The following ZMYND12 variants were observed in gnomAD, a reference collection of about 807,000 sequenced individuals.
The protein encoded by ZMYND12 is zinc finger MYND-type containing 12.
In ZMYND12, 32 loss-of-function variants were observed where a neutral mutation model predicts 41.7. That is an observed-to-expected ratio of 0.77 (90% CI 0.58 to 1.03). The LOEUF (loss-of-function observed/expected upper bound fraction) is 1.03, where lower values mean the gene tolerates loss of function less well. Ranked by LOEUF, ZMYND12 falls within the 50% of genes least tolerant of loss-of-function variation. The probability of loss-of-function intolerance (pLI) is 0.00; values close to 1 mark genes in which losing one functional copy is unlikely to be tolerated. For synonymous variants in ZMYND12, 148 were observed against 164.8 expected, an observed-to-expected ratio of 0.90 and a Z score of 0.78; for missense variants, 424 against 438.5, an observed-to-expected ratio of 0.97 and a Z score of 0.30.
chr1:42,434,354 T>C (rs1642884441), intron 6 of ZMYND12, among the ~76,000 whole-genome samples: 1 of 152,162 alleles, frequency 6.6e-6, no homozygotes, highest in African/African-American at 2.4e-5. Context: ...AGCATGAAGT[T>C]AAGGCACCAG....
intron 4 of ZMYND12, among the ~76,000 whole-genome samples, chr1:42,438,988 TG>T (rs1642935972): frequency 6.6e-6 from 1 of 152,238 alleles, no homozygotes; most frequent in Admixed American, 6.5e-5. Context: ...CATCTAACTT[TG>T]TACAGAGTTT....
At chr1:42,441,345 TA>T (rs1642966274) in intron 3 of ZMYND12, among the ~76,000 whole-genome samples, 2 of 152,194 alleles carry the variant, frequency 1.3e-5, no homozygotes, top group Non-Finnish European at 2.9e-5. Flanking sequence ...TTCATAGAAC[TA>T]TATAGAGTCA....
intron 6 of ZMYND12, 151 bp from the exon 7 acceptor site, chr1:42,433,439 A>G (rs1642875925): frequency 1.2e-6 from 1 of 866,616 alleles, no homozygotes; most frequent in Non-Finnish European, 1.7e-6. Context: ...TTTTTTACCT[A>G]GAGGACTCCC....
intron 3 of ZMYND12, among the ~76,000 whole-genome samples, chr1:42,444,507 A>G (rs1394504938): frequency 6.6e-6 from 1 of 152,206 alleles, no homozygotes; most frequent in Admixed American, 6.5e-5. Context: ...AAGCACTTTC[A>G]TGGTCATTAC....
Position 42,445,850 on chromosome 1 carries a change from A to G in ZMYND12, c.424+2617T>C, listed in dbSNP as rs183253619. On this transcript the variant is annotated intron_variant, in intron 3 of 7. Transcript: ENST00000372565. ...CAGAGATGATGTGGGGAGACCAGTT[A>G]GTAGGCAGTGGTCTAGATGAGAGAT... Among the ~76,000 whole-genome samples, 27 of 152,312 alleles carry G rather than the reference A, an allele frequency of 1.8e-4. No homozygotes were observed. The East Asian group carries it at 4.8e-3, about 27-fold the overall frequency.
intron 4 of ZMYND12, among the ~76,000 whole-genome samples, chr1:42,438,312 A>T (rs1180930380): frequency 2.0e-5 from 3 of 152,224 alleles, no homozygotes; most frequent in Non-Finnish European, 4.4e-5. Flanking sequence ...AGAAACCAAC[A>T]AGGGCTAGGG....
At chr1:42,433,840 T>G (rs1317398681) in intron 6 of ZMYND12, among the ~76,000 whole-genome samples, 1 of 152,234 alleles carries the variant, frequency 6.6e-6, no homozygotes, top group Non-Finnish European at 1.5e-5. Flanking sequence ...CATCATTTAC[T>G]GAGAAGTCAC....
In ZMYND12 at chr1:42,450,035, G is replaced by C. The variant is rs766662787; in HGVS notation, c.135C>G (p.Asp45Glu). ...YYCGVVHQKA[D>E]WDSIHEKICQ... ...ATATTTTCTCATGGATGCTGTCCCAGTCAGCCTTCTGATGTACCACCCCAC... is the reference window on the plus strand; with the variant it reads ...ATATTTTCTCATGGATGCTGTCCCACTCAGCCTTCTGATGTACCACCCCAC... The change falls in exon 2 of 8, where the codon GAC becomes GAG. Residue 45 changes from aspartate to glutamate, a missense_variant. Asp to Glu is a conservative substitution (Grantham distance 45). Transcript: ENST00000372565. 2.5e-6 allele frequency: 4 copies of C among 1,613,756 alleles called. No homozygotes were observed. Among genetic ancestry groups the C allele is most frequent in the South Asian group, 1.1e-5 (1 of 91,088 alleles).
Position 42,439,884 on chromosome 1 carries a change from T to C in ZMYND12, c.566A>G (p.Glu189Gly), listed in dbSNP as rs762060928. 6 of 1,613,154 alleles carry C rather than the reference T, an allele frequency of 3.7e-6. No individual in the cohort carries two copies. The African/African-American group carries it at 8.0e-5, about 22-fold the overall frequency. The part of the protein sequence containing the change: ...GLLYIAKKNY[E>G]EARYHLANDI... ...ATTGGCCAGATGATAACGGGCCTCT[T>C]CATAGTTTTTCTTAGCTATATAGAG... is the stretch of plus-strand genomic sequence containing the variant. The change falls in exon 4 of 8, where the codon GAA becomes GGA. Residue 189 changes from glutamate (E) to glycine (G), a missense_variant. Glu to Gly is a moderately conservative substitution (Grantham distance 98, BLOSUM62 -2). Coordinates refer to ENST00000372565, the MANE Select transcript of ZMYND12 (RefSeq NM_032257.5).
At chr1:42,454,069 G>T (rs539655331) in intron 1 of ZMYND12, among the ~76,000 whole-genome samples, 1 of 152,308 alleles carries the variant, frequency 6.6e-6, no homozygotes, top group African/African-American at 2.4e-5. Context: ...ACTGAAGGAT[G>T]AAAGGGAGCC....
intron 2 of ZMYND12, 54 bp downstream of exon 2, chr1:42,449,864 T>C (rs1570356081): frequency 1.3e-6 from 2 of 1,596,668 alleles, no homozygotes. Flanking sequence ...AGCCTTGTCT[T>C]GGGCAGCTTC....
intron 7 of ZMYND12, chr1:42,432,937 AC>A (rs1642869383): frequency 5.3e-6 from 3 of 560,978 alleles, no homozygotes; most frequent in Non-Finnish European, 8.9e-6. Flanking sequence ...AAGACTGGGA[AC>A]CCTCGGGGGA....
intron 2 of ZMYND12, among the ~76,000 whole-genome samples, chr1:42,448,923 GT>G (rs1643051889): frequency 6.6e-6 from 1 of 152,212 alleles, no homozygotes. Context: ...AATGAGTATT[GT>G]TTTTACAGTT....
At chr1:42,433,015 AC>A in intron 7 of ZMYND12, 127 bp downstream of exon 7, 1 of 1,172,274 alleles carries the variant, frequency 8.5e-7, no homozygotes, top group South Asian at 1.4e-5. Flanking sequence ...GAGCATCTGA[AC>A]CTCTTTGGAG....
chr1:42,440,045 A>G lies in ZMYND12; in HGVS notation c.425-20T>C, dbSNP rs148989539. ...CCAGACCTGCCCAAAAGCAGAAAAG[A>G]AGGTTATAATTCATATCCAGGCCAA... On this transcript the variant is annotated intron_variant, in intron 3 of 7. Coordinates refer to ENST00000372565, the MANE Select transcript of ZMYND12 (RefSeq NM_032257.5). 3.4e-4 allele frequency: 533 copies of G among 1,583,638 alleles called. 2 individuals carry two copies. In the African/African-American group the frequency reaches 5.1e-3, roughly 15 times the overall value.
rs774818449 is a variant in ZMYND12, at chr1:42,430,689, T to G, written c.*47A>C. Reference sequence around the variant, plus strand: ...TTGTGCAAGGCTGGAATATATTAGATCTTCAGTAGCCCCTGGAATAACCCT... The same window carrying G: ...TTGTGCAAGGCTGGAATATATTAGAGCTTCAGTAGCCCCTGGAATAACCCT... On this transcript the variant is annotated 3_prime_UTR_variant, in exon 8 of 8. Coordinates refer to ENST00000372565, the MANE Select transcript of ZMYND12 (RefSeq NM_032257.5). 3.1e-6 allele frequency: 5 copies of G among 1,604,336 alleles called. No homozygotes were observed. Among genetic ancestry groups the G allele is most frequent in the Non-Finnish European group, 4.3e-6 (5 of 1,172,046 alleles).
intron 5 of ZMYND12, 59 bp downstream of exon 5, chr1:42,436,362 C>A: frequency 1.9e-6 from 3 of 1,603,786 alleles, no homozygotes; most frequent in Non-Finnish European, 2.6e-6. Flanking sequence ...TAGTCTAATA[C>A]AAGTTGTAAG....
intron 3 of ZMYND12, among the ~76,000 whole-genome samples, chr1:42,444,240 C>T (rs983787388): frequency 6.6e-6 from 1 of 152,092 alleles, no homozygotes; most frequent in Non-Finnish European, 1.5e-5. Context: ...GCAGAAGGAA[C>T]CATATATGTG....
intron 3 of ZMYND12, among the ~76,000 whole-genome samples, chr1:42,442,827 G>A (rs529245384): frequency 1.3e-5 from 2 of 152,284 alleles, no homozygotes; most frequent in South Asian, 2.1e-4. Context: ...AAGTAACTTT[G>A]CCTGATGGAA....
Sources: allele counts gnomAD v4.1 joint callset (sites outside exome capture counted in the v4.1 genomes callset), GRCh38; gene constraint gnomAD v4.1.1; transcripts MANE v1.5; gene names NCBI Gene and HGNC (gene_info 2026-07-23, HGNC 2026-07-21).